Variants in RIMS1 observed in about 807,000 individuals in gnomAD.
The protein encoded by RIMS1 is regulating synaptic membrane exocytosis protein 1.
Under a neutral mutation model 214.1 loss-of-function variants are expected in RIMS1, and 83 were observed. The ratio of observed to expected loss-of-function variants is 0.39; its 90% CI spans 0.32 to 0.47. The LOEUF is 0.47. RIMS1 is among the 20% of genes least tolerant of loss of function. The pLI, the probability that RIMS1 is intolerant of heterozygous loss-of-function variation, is 0.99. For synonymous variants in RIMS1, 793 were observed against 786.8 expected (o/e 1.01, Z -0.13); for missense variants, 2,050 against 2,161.8 (o/e 0.95, Z 1.03).
intron 1 of RIMS1, among the ~76,000 whole-genome samples, chr6:71,888,415 G>T (rs879818513): frequency 6.6e-6 from 1 of 152,192 alleles, no homozygotes; most frequent in African/African-American, 2.4e-5. Flanking sequence ...GGAGTTACCT[G>T]ATAGCAAAAG....
rs528674371 is a variant in RIMS1, at chr6:72,127,046, G to A, written c.471+27060G>A. The stretch of plus-strand genomic sequence containing the variant: ...TGAAGATCCAAAGTTCCTTCTCAAA[G>A]CTTCTCTATATTCATGTTTTATAAA... On this transcript the variant is annotated intron_variant, in intron 4 of 33. Coordinates refer to ENST00000521978, the MANE Select transcript of RIMS1 (RefSeq NM_014989.7). 3.9e-5 allele frequency among the ~76,000 whole-genome samples: 6 copies of A among 152,288 alleles called. No homozygotes were observed. In the East Asian group the frequency reaches 5.8e-4, roughly 15 times the overall value.
At chr6:71,919,654 G>C (rs893790935) in intron 1 of RIMS1, among the ~76,000 whole-genome samples, 2 of 152,116 alleles carry the variant, frequency 1.3e-5, no homozygotes, top group Non-Finnish European at 2.9e-5. Context: ...CAACTTCATA[G>C]CCTATTTACA....
intron 29 of RIMS1, among the ~76,000 whole-genome samples, chr6:72,349,903 A>G (rs1017083035): frequency 2.6e-5 from 4 of 152,104 alleles, no homozygotes; most frequent in Non-Finnish European, 5.9e-5. Flanking sequence ...CTAGTGTAGG[A>G]TTCTGTGATC....
At chr6:72,307,139 G>T in intron 26 of RIMS1, 119 bp from the exon 27 acceptor site, 1 of 662,508 alleles carries the variant, frequency 1.5e-6, no homozygotes. Flanking sequence ...TATTAATCAT[G>T]TGTTATTTCT....
At chr6:72,070,019 A>G (rs903365444) in intron 2 of RIMS1, among the ~76,000 whole-genome samples, 3 of 152,198 alleles carry the variant, frequency 2.0e-5, no homozygotes, top group African/African-American at 7.2e-5. Context: ...AATTTGACAT[A>G]CTTGTTTTGC....
At chr6:72,350,374 A>G (rs747465124) in intron 29 of RIMS1, among the ~76,000 whole-genome samples, 1 of 152,116 alleles carries the variant, frequency 6.6e-6, no homozygotes, top group Non-Finnish European at 1.5e-5. Flanking sequence ...TGCCTAAATC[A>G]AAGTGGCTCT....
At chr6:72,156,536 G>A (rs2044470627) in intron 4 of RIMS1, among the ~76,000 whole-genome samples, 1 of 139,978 alleles carries the variant, frequency 7.1e-6, no homozygotes, top group African/African-American at 2.5e-5. Context: ...AATAGGTCTG[G>A]ATGCCTAAAA....
chr6:72,169,242 T>C (rs914974660), intron 4 of RIMS1, among the ~76,000 whole-genome samples: 2 of 152,238 alleles, frequency 1.3e-5, no homozygotes, highest in African/African-American at 4.8e-5. Flanking sequence ...CTGCATGTTT[T>C]ACAATGCAAA....
chr6:72,074,764 T>C (rs532875061), intron 2 of RIMS1, among the ~76,000 whole-genome samples: 2 of 152,312 alleles, frequency 1.3e-5, no homozygotes, highest in East Asian at 1.9e-4. Flanking sequence ...AGTATGTGTA[T>C]TGTTTCTGCA....
At chr6:72,053,899 A>G (rs1158252662) in intron 2 of RIMS1, among the ~76,000 whole-genome samples, 1 of 152,072 alleles carries the variant, frequency 6.6e-6, no homozygotes, top group Non-Finnish European at 1.5e-5. Flanking sequence ...ATTTCATTGT[A>G]TTATTTTTAT....
intron 6 of RIMS1, among the ~76,000 whole-genome samples, chr6:72,218,458 A>G (rs761349437): frequency 3.9e-5 from 6 of 152,192 alleles, no homozygotes; most frequent in Non-Finnish European, 7.4e-5. Context: ...GTCAGAGGCA[A>G]ATGGAAAAGT....
chr6:72,115,796 T>G (rs979610410), intron 4 of RIMS1, among the ~76,000 whole-genome samples: 1 of 151,912 alleles, frequency 6.6e-6, no homozygotes, highest in Admixed American at 6.6e-5. Flanking sequence ...TTTTTTCATA[T>G]CTTTTATTTC....
At chr6:71,987,154 G>T (rs1391209071) in intron 2 of RIMS1, among the ~76,000 whole-genome samples, 1 of 152,154 alleles carries the variant, frequency 6.6e-6, no homozygotes, top group Admixed American at 6.5e-5. Context: ...CATTTTTTTG[G>T]TAGAGCAATT....
rs1554269277 is a variant in RIMS1 at position 72,196,377 on chromosome 6, G to GTCTGTCTGTCTA, written c.1678+13231_1678+13232insGTCTGTCTATCT. The stretch of plus-strand genomic sequence containing the variant: ...TGTCTGTCTGTCTGTCTGTCTGTCT[G>GTCTGTCTGTCTA]TCTATCTATCTATCTATCTATCTAT... On this transcript the variant is annotated intron_variant, in intron 6 of 33. Transcript: ENST00000521978. 7.4e-3 allele frequency among the ~76,000 whole-genome samples: 1,071 copies of GTCTGTCTGTCTA among 143,964 alleles called. 4 individuals are homozygous for GTCTGTCTGTCTA. The highest frequency in any genetic ancestry group is 0.02 in the Middle Eastern group (6 of 294). The allele number at this position is 143,964 out of a possible 152,430, so 94.4% of individuals were successfully genotyped here. A position where few individuals can be genotyped will look rare whatever the true frequency, so the allele number is the denominator to read the frequency against.
intron 16 of RIMS1, among the ~76,000 whole-genome samples, chr6:72,253,948 C>T (rs112182817): frequency 0.015 from 2,290 of 152,256 alleles, 19 homozygotes; most frequent in Non-Finnish European, 0.017. Context: ...TCACTGCACC[C>T]TCCACCTCCC....
At chr6:72,157,238 G>A (rs1002309835) in intron 4 of RIMS1, among the ~76,000 whole-genome samples, 7 of 140,350 alleles carry the variant, frequency 5.0e-5, no homozygotes, top group African/African-American at 1.7e-4. Flanking sequence ...CAAATATATA[G>A]AGCATTTGTA....
intron 6 of RIMS1, among the ~76,000 whole-genome samples, chr6:72,220,398 TA>T (rs1463077632): frequency 1.3e-5 from 2 of 151,916 alleles, no homozygotes; most frequent in Non-Finnish European, 2.9e-5. Context: ...GTGGATCCCC[TA>T]AATGTAATTA....
At chr6:72,198,477 A>G (rs1819063) in intron 6 of RIMS1, among the ~76,000 whole-genome samples, 72,636 of 151,730 alleles carry the variant, frequency 0.48, 18,564 homozygotes, top group East Asian at 0.83. Flanking sequence ...CAGTAGAGTG[A>G]TAATTACCAG....
intron 18 of RIMS1, among the ~76,000 whole-genome samples, chr6:72,260,078 A>G (rs1012305254): frequency 2.6e-5 from 4 of 152,226 alleles, no homozygotes; most frequent in Admixed American, 6.6e-5. Flanking sequence ...CTTGAGTTGA[A>G]TGAGGGCTAT....
Sources: allele counts gnomAD v4.1 joint callset (sites outside exome capture counted in the v4.1 genomes callset), GRCh38; gene constraint gnomAD v4.1.1; transcripts MANE v1.5; gene names NCBI Gene and HGNC (gene_info 2026-07-23, HGNC 2026-07-21).